ATP2C1: variants seen among roughly 807,000 people sequenced by gnomAD.
ATP2C1 encodes calcium-transporting ATPase type 2C member 1.
A neutral mutation model predicts 120.5 loss-of-function variants in ATP2C1; 31 were observed. That is an observed-to-expected ratio of 0.26 (90% confidence interval 0.19 to 0.35). ATP2C1 has a LOEUF of 0.35. Ranked by LOEUF, ATP2C1 falls within the 10% of genes least tolerant of loss-of-function variation. The pLI is 1.00. For synonymous variants in ATP2C1, 351 were observed against 358.7 expected, an observed-to-expected ratio of 0.98 and a Z score of 0.24; for missense variants, 731 against 1,107.5, an observed-to-expected ratio of 0.66 and a Z score of 4.83.
At chr3:130,946,033 C>G (rs1451507785) in intron 8 of ATP2C1, among the ~76,000 whole-genome samples, 2 of 151,934 alleles carry the variant, frequency 1.3e-5, no homozygotes. Flanking sequence ...TCCATTGACA[C>G]TTTGCTTTGT....
chr3:130,961,826 G>C (rs1436210004), intron 12 of ATP2C1, among the ~76,000 whole-genome samples: 1 of 151,972 alleles, frequency 6.6e-6, no homozygotes, highest in Non-Finnish European at 1.5e-5. Flanking sequence ...CAGAAGATCA[G>C]TGCAAAGAGC....
intron 1 of ATP2C1, among the ~76,000 whole-genome samples, chr3:130,886,739 TTTC>T (rs1020563217): frequency 6.8e-4 from 104 of 152,360 alleles, no homozygotes; most frequent in African/African-American, 2.3e-3. Context: ...AAATTCTGAA[TTTC>T]TTTTCTGTTA....
intron 1 of ATP2C1, among the ~76,000 whole-genome samples, chr3:130,862,472 C>T (rs1489396926): frequency 6.6e-6 from 1 of 151,998 alleles, no homozygotes; most frequent in African/African-American, 2.4e-5. Context: ...TGAGCCACCG[C>T]ACTTGGCTGA....
chr3:130,975,315 G>T lies in ATP2C1; in HGVS notation c.1414-17G>T. 6.2e-7 allele frequency: 1 copy of T among 1,613,182 alleles called. No homozygotes were observed. The highest frequency in any genetic ancestry group is 8.5e-7 in the Non-Finnish European group (1 of 1,179,406). ...CAAGTTGAAATTAAACTTGTGTTTG[G>T]TACATTTTCTTCTTAGGACAGACCA... is the stretch of plus-strand genomic sequence containing the variant. On this transcript the variant is annotated splice_polypyrimidine_tract_variant and intron_variant, in intron 17 of 27. Transcript: ENST00000510168.
At chr3:130,940,490 T>C in intron 6 of ATP2C1, 140 bp from the exon 7 acceptor site, 1 of 656,342 alleles carries the variant, frequency 1.5e-6, no homozygotes, top group Non-Finnish European at 2.7e-6. Context: ...GGACAAGCTT[T>C]TCTGGGTAAG....
At chr3:130,858,029 T>C (rs113871394) in intron 1 of ATP2C1, among the ~76,000 whole-genome samples, 2,070 of 152,276 alleles carry the variant, frequency 0.014, 43 homozygotes, top group African/African-American at 0.048. Context: ...TGGAGTCCGA[T>C]GTTCCAGTGC....
At chr3:130,952,701 G>A (rs561987440) in intron 8 of ATP2C1, among the ~76,000 whole-genome samples, 1 of 152,150 alleles carries the variant, frequency 6.6e-6, no homozygotes, top group Non-Finnish European at 1.5e-5. Flanking sequence ...GAATGAGCCT[G>A]TAAAATCAGT....
chr3:130,941,278 G>A (rs1006081951), intron 7 of ATP2C1, among the ~76,000 whole-genome samples: 23 of 151,590 alleles, frequency 1.5e-4, no homozygotes, highest in Non-Finnish European at 2.2e-4. Context: ...GTGTGTGTGC[G>A]CGCACGCGCG....
At chr3:130,989,212 A>T (rs1014515670) in intron 20 of ATP2C1, among the ~76,000 whole-genome samples, 3 of 144,340 alleles carry the variant, frequency 2.1e-5, no homozygotes, top group Non-Finnish European at 4.5e-5. Flanking sequence ...GCGCCACTGC[A>T]CTCCAGCCTG....
chr3:130,991,481 A>T (rs1055745203), intron 20 of ATP2C1, among the ~76,000 whole-genome samples: 1 of 152,106 alleles, frequency 6.6e-6, no homozygotes, highest in Admixed American at 6.6e-5. Flanking sequence ...CCCCGTTCCT[A>T]TATCAAAATT....
chr3:130,975,709 A>G (rs7622366), intron 18 of ATP2C1, among the ~76,000 whole-genome samples: 8,952 of 152,266 alleles, frequency 0.059, 842 homozygotes, highest in African/African-American at 0.2. Context: ...TTAGATCTCC[A>G]GAGGTCTCTG....
intron 1 of ATP2C1, among the ~76,000 whole-genome samples, chr3:130,882,174 T>C (rs2068804878): frequency 6.6e-6 from 1 of 152,080 alleles, no homozygotes; most frequent in Non-Finnish European, 1.5e-5. Context: ...TTCAGGGTAA[T>C]ACTAGCTGTG....
At chr3:130,889,038 C>T (rs1341979674) in intron 1 of ATP2C1, among the ~76,000 whole-genome samples, 1 of 152,114 alleles carries the variant, frequency 6.6e-6, no homozygotes, top group African/African-American at 2.4e-5. Context: ...CCAATTATTC[C>T]AGTTCCGGGT....
Position 130,941,655 on chromosome 3 carries a change from CT to C in ATP2C1, c.490del (p.Ser164LeufsTer25). On this transcript the variant is annotated frameshift_variant, in exon 8 of 28. Coordinates refer to ENST00000510168, the MANE Select transcript of ATP2C1 (RefSeq NM_001378687.1). LOFTEE classifies it high-confidence loss of function. ...RDLVPGDTVC[L>X]SVGDRVPADL... ...CTTGGTTCCAGGTGATACAGTTTGC[CT>C]TTCTGTTGGGGATAGAGTTCCTGCT... The C allele has an allele frequency of 6.2e-7, 1 of 1,613,858 alleles. No homozygotes were observed. The highest frequency in any genetic ancestry group is 8.5e-7 in the Non-Finnish European group (1 of 1,179,978).
chr3:131,003,647 A>C (rs1196234882), downstream of ATP2C1, among the ~76,000 whole-genome samples: 2 of 152,206 alleles, frequency 1.3e-5, no homozygotes, highest in Non-Finnish European at 2.9e-5. Flanking sequence ...TGAAACCATG[A>C]AACCCGAAGA....
In ATP2C1 at chr3:130,996,087, A is replaced by G. The variant is rs1307469182; in HGVS notation, c.2102A>G (p.Asn701Ser). 1 of 1,611,948 alleles carries G rather than the reference A, an allele frequency of 6.2e-7. No homozygotes were observed. Among genetic ancestry groups the G allele is most frequent in the Non-Finnish European group, 8.5e-7 (1 of 1,178,076 alleles). Residue 701 changes from asparagine (N) to serine (S), a missense_variant, in exon 23 of 28, where the codon AAT becomes AGT. Physicochemically the swap from Asn to Ser is conservative, Grantham distance 46 (BLOSUM62 1). This residue lies in a region of ATP2C1 where 571 missense variants were observed against 845.9 expected (regional missense o/e 0.67). Coordinates refer to ENST00000510168, the MANE Select transcript of ATP2C1 (RefSeq NM_001378687.1). ...EGKGIYNNIK[N>S]FVRFQLSTSI... ...AAAGGGATTTATAATAACATTAAAA[A>G]TTTCGTTAGATTCCAGCTGAGCACG... is the stretch of plus-strand genomic sequence containing the variant.
chr3:130,983,530 C>G (rs534466882), intron 20 of ATP2C1, among the ~76,000 whole-genome samples: 2 of 152,168 alleles, frequency 1.3e-5, no homozygotes, highest in African/African-American at 4.8e-5. Context: ...TTGTACCTTT[C>G]TAGGGGTTTT....
chr3:130,863,233 A>AT (rs1471669798), intron 1 of ATP2C1, among the ~76,000 whole-genome samples: 2 of 152,204 alleles, frequency 1.3e-5, no homozygotes, highest in Non-Finnish European at 2.9e-5. Flanking sequence ...TATTCAGTAT[A>AT]TTTTATAAAT....
intron 26 of ATP2C1, chr3:131,014,275 A>C (rs142249490): frequency 6.2e-7 from 1 of 1,614,062 alleles, no homozygotes; most frequent in Admixed American, 1.7e-5. Flanking sequence ...GTGGCATTGA[A>C]TAGATATTCA....
Sources: allele counts gnomAD v4.1 joint callset (sites outside exome capture counted in the v4.1 genomes callset), GRCh38; gene constraint gnomAD v4.1.1; regional missense constraint gnomAD v4.1.1; transcripts MANE v1.5; gene names NCBI Gene and HGNC (gene_info 2026-07-23, HGNC 2026-07-21).